Variants in RPLP2 observed in about 807,000 individuals in gnomAD.
RPLP2 encodes the protein large ribosomal subunit protein P2.
RPLP2 carries 1 observed loss-of-function variant against 11.5 expected under a neutral mutation model. That is an observed-to-expected ratio of 0.09 (90% CI 0.03 to 0.41). The LOEUF (loss-of-function observed/expected upper bound fraction) is 0.41. Among genes scored for constraint, RPLP2 ranks in the 10% least tolerant of loss-of-function variants. The pLI, the probability that RPLP2 is intolerant of heterozygous loss-of-function variation, is 0.98. For missense variants in RPLP2, 177 were observed against 145.6 expected (o/e 1.22, Z -1.11); for synonymous variants, 82 against 55.9 (o/e 1.47, Z -2.08).
chr11:812,339 G>A (rs1301331960), intron 3 of RPLP2, 196 bp from the exon 4 acceptor site: 2 of 676,268 alleles, frequency 3.0e-6, no homozygotes, highest in Non-Finnish European at 5.0e-6. Context: ...TCCCTGGATA[G>A]GAAAGGTGGG....
Position 812,607 on chromosome 11 carries a change from C to T in RPLP2, c.245C>T (p.Pro82Leu). The T allele has an allele frequency of 1.2e-6, 2 of 1,609,726 alleles. No homozygotes were observed. The highest frequency in any genetic ancestry group is 1.7e-6 in the Non-Finnish European group (2 of 1,179,810). Residue 82 changes from proline to leucine, a missense_variant, in exon 4 of 5, where the codon CCT (proline) becomes CTT (leucine). Pro to Leu is a moderately conservative substitution (Grantham distance 98). Coordinates refer to ENST00000321153, the MANE Select transcript of RPLP2 (RefSeq NM_001004.4). ...AVSAAPGSAA[P>L]AAGSAPAAAE... ...TCTGCTGCCCCAGGCTCTGCAGCCC[C>T]TGCTGCTGGTTCTGCCCCTGCTGCA...
chr11:811,518 C>A, intron 2 of RPLP2, 79 bp from the exon 3 acceptor site: 2 of 1,574,960 alleles, frequency 1.3e-6, no homozygotes, highest in Non-Finnish European at 1.7e-6. Context: ...GAACCCAGTC[C>A]TGCTGTGACT....
At position 812,531 on chromosome 11, in the gene RPLP2, G is replaced by A. The variant is rs900414987; in HGVS notation, c.173-4G>A. Reference sequence around the variant, plus strand: ...CTCTGGTCTCACCTCTCTGCTTTCTGTAGGTATTGGCAAGCTTGCCAGTGT... The same window carrying A: ...CTCTGGTCTCACCTCTCTGCTTTCTATAGGTATTGGCAAGCTTGCCAGTGT... On this transcript the variant is annotated splice_region_variant and splice_polypyrimidine_tract_variant and intron_variant, in intron 3 of 4. Transcript: ENST00000321153. 2 of 1,609,042 alleles carry A rather than the reference G, an allele frequency of 1.2e-6. No individual in the cohort carries two copies. Among genetic ancestry groups the A allele is most frequent in the Admixed American group, 3.3e-5 (2 of 60,022 alleles).
chr11:812,435 G>A, intron 3 of RPLP2, 100 bp from the exon 4 acceptor site: 4 of 1,504,278 alleles, frequency 2.7e-6, no homozygotes, highest in South Asian at 2.4e-5. Context: ...GTCCAGATAT[G>A]TTGGGTGCCA....
At chr11:810,111 G>A (rs1865976899) in intron 1 of RPLP2, 72 bp downstream of exon 1, 12 of 1,179,022 alleles carry the variant, frequency 1.0e-5, no homozygotes, top group South Asian at 2.1e-5. Context: ...GTGGGCGGCG[G>A]GGTATTTTTG....
At chr11:810,480 G>A (rs575480859) in intron 2 of RPLP2, 123 bp downstream of exon 2, 3 of 966,632 alleles carry the variant, frequency 3.1e-6, no homozygotes, top group African/African-American at 1.7e-5. Flanking sequence ...TCTAGTTGGC[G>A]ATTTCTTGGA....
chr11:812,844 C>T lies in RPLP2; in HGVS notation c.*8C>T, dbSNP rs542362671. The T allele has an allele frequency of 1.2e-5, 19 of 1,612,306 alleles. No homozygotes were observed. Among genetic ancestry groups the T allele is most frequent in the Admixed American group, 1.2e-4 (7 of 60,016 alleles). On this transcript the variant is annotated 3_prime_UTR_variant, in exon 5 of 5. Coordinates refer to ENST00000321153, the MANE Select transcript of RPLP2 (RefSeq NM_001004.4). ...TTTGGCCTTTTTGATTAAATTCCTGCTCCCCTGCAAATAAAGCCTTTTTAC... is the reference window on the plus strand; with the variant it reads ...TTTGGCCTTTTTGATTAAATTCCTGTTCCCCTGCAAATAAAGCCTTTTTAC...
At position 812,602 on chromosome 11, in the gene RPLP2, AGCCCCTGCTGCTGGTTCT is replaced by A. The variant is rs761345876; in HGVS notation, c.252_269del (p.Gly85_Ala90del). On this transcript the variant is annotated inframe_deletion, in exon 4 of 5. Transcript: ENST00000321153. ...CCGTCTCTGCTGCCCCAGGCTCTGC[AGCCCCTGCTGCTGGTTCT>A]GCCCCTGCTGCAGGTAAGTGGTGGC... The A allele has an allele frequency of 1.9e-6, 3 of 1,609,692 alleles. No homozygotes were observed. The highest frequency in any genetic ancestry group is 2.2e-5 in the East Asian group (1 of 44,874).
chr11:812,295 G>A (rs1590168588), intron 3 of RPLP2: 1 of 564,054 alleles, frequency 1.8e-6, no homozygotes, highest in Non-Finnish European at 3.2e-6. Context: ...AATTGGGCAG[G>A]CAGGCAGTGT....
intron 2 of RPLP2, 129 bp downstream of exon 2, chr11:810,486 T>C: frequency 2.1e-6 from 2 of 943,492 alleles, no homozygotes; most frequent in Non-Finnish European, 3.1e-6. Flanking sequence ...TGGCGATTTC[T>C]TGGATAGAGA....
chr11:810,086 C>G, intron 1 of RPLP2, 47 bp downstream of exon 1: 1 of 982,692 alleles, frequency 1.0e-6, no homozygotes, highest in South Asian at 2.5e-5. Context: ...GACGCGGAGT[C>G]CGTGGGGATG....
chr11:811,760 C>T (rs946993328), intron 3 of RPLP2, 115 bp downstream of exon 3: 21 of 1,330,740 alleles, frequency 1.6e-5, no homozygotes, highest in Admixed American at 3.4e-5. Context: ...GAAGCCTCAC[C>T]CGAGGAGTGA....
At chr11:812,268 G>A (rs966308261) in intron 3 of RPLP2, 17 of 530,284 alleles carry the variant, frequency 3.2e-5, no homozygotes, top group Non-Finnish European at 5.5e-5. Context: ...GTGGACCTCT[G>A]AGGGTGGAGG....
At chr11:810,991 C>T (rs1260943918) in intron 2 of RPLP2, among the ~76,000 whole-genome samples, 1 of 124,844 alleles carries the variant, frequency 8.0e-6, no homozygotes, top group Non-Finnish European at 1.6e-5. Flanking sequence ...GAAAACATTG[C>T]AAGACCCGGT....
Position 812,647 on chromosome 11 carries a change from T to A in RPLP2, c.271+14T>A. 1 of 1,610,954 alleles carries A rather than the reference T, an allele frequency of 6.2e-7. No individual in the cohort carries two copies. Among genetic ancestry groups the A allele is most frequent in the Non-Finnish European group, 8.5e-7 (1 of 1,179,880 alleles). ...CCCCTGCTGCAGGTAAGTGGTGGCC[T>A]GGTGAGTGGGCAAGGGGCTGGGGCT... On this transcript the variant is annotated intron_variant, in intron 4 of 4. Coordinates refer to ENST00000321153, the MANE Select transcript of RPLP2 (RefSeq NM_001004.4).
chr11:811,960 C>A, intron 3 of RPLP2: 1 of 562,650 alleles, frequency 1.8e-6, no homozygotes, highest in Non-Finnish European at 3.3e-6. Context: ...TTCACGTCAG[C>A]AGTCCTTACC....
At position 810,219 on chromosome 11, in the gene RPLP2, C is replaced by A; in HGVS notation, c.-1-15C>A. ...CGGGGTAACTCCGCCGTCGCGTCCT[C>A]TCCGCCCGCCTCAGGATGCGCTACG... On this transcript the variant is annotated splice_polypyrimidine_tract_variant and intron_variant, in intron 1 of 4. Transcript: ENST00000321153. The A allele has an allele frequency of 6.5e-7, 1 of 1,527,542 alleles. No homozygotes were observed. The highest frequency in any genetic ancestry group is 8.8e-7 in the Non-Finnish European group (1 of 1,136,440). 94.6% of individuals were successfully genotyped at this position (1,527,542 alleles called of 1,614,324 possible).
At position 812,747 on chromosome 11, in the gene RPLP2, C is replaced by CTT. The variant is rs1554974314; in HGVS notation, c.272-12_272-11insTT. The stretch of plus-strand genomic sequence containing the variant: ...TTGGGCAGTGCTCACCATGCCTCTC[C>CTT]TCTGTTCCACAGCAGAGGAGAAGAA... On this transcript the variant is annotated splice_polypyrimidine_tract_variant and intron_variant, in intron 4 of 4. Transcript: ENST00000321153. 1.2e-6 allele frequency: 2 copies of CTT among 1,613,070 alleles called. No homozygotes were observed. The highest frequency in any genetic ancestry group is 1.7e-6 in the Non-Finnish European group (2 of 1,179,298).
In RPLP2 at chr11:812,524, G is replaced by A. The variant is rs1182825723; in HGVS notation, c.173-11G>A. On this transcript the variant is annotated splice_polypyrimidine_tract_variant and intron_variant, in intron 3 of 4. Coordinates refer to ENST00000321153, the MANE Select transcript of RPLP2 (RefSeq NM_001004.4). ...GCAGCTGCTCTGGTCTCACCTCTCT[G>A]CTTTCTGTAGGTATTGGCAAGCTTG... 6.2e-7 allele frequency: 1 copy of A among 1,608,666 alleles called. No individual in the cohort carries two copies. Among genetic ancestry groups the A allele is most frequent in the South Asian group, 1.1e-5 (1 of 90,984 alleles).
Sources: gnomAD v4.1 joint callset for allele counts (sites outside exome capture counted in the v4.1 genomes callset) on GRCh38, gnomAD v4.1.1 for gene constraint, MANE v1.5 for transcripts, NCBI Gene and HGNC (gene_info 2026-07-23, HGNC 2026-07-21) for gene names.